JPH3: variants seen among roughly 807,000 people sequenced by gnomAD.
JPH3 encodes junctophilin 3.
Under a neutral mutation model 59.6 loss-of-function variants are expected in JPH3, and 11 were observed. The observed-to-expected ratio is 0.18, with a 90% CI of 0.12 to 0.31. The LOEUF is 0.31. JPH3 is among the 10% of genes least tolerant of loss of function. The probability of loss-of-function intolerance (pLI) is 1.00; values close to 1 mark genes in which losing one functional copy is unlikely to be tolerated. For missense variants in JPH3, 1,202 were observed against 1,105.7 expected (o/e 1.09, Z -1.24); for synonymous variants, 673 against 483.6 (o/e 1.39, Z -5.14).
chr16:87,652,127 AC>A (rs2032343264), intron 2 of JPH3, among the ~76,000 whole-genome samples: 1 of 151,992 alleles, frequency 6.6e-6, no homozygotes, highest in African/African-American at 2.4e-5. Context: ...GGCGCCCACC[AC>A]CGTGCCCAGC....
chr16:87,633,691 C>G (rs1031013707), intron 1 of JPH3, among the ~76,000 whole-genome samples: 2 of 151,750 alleles, frequency 1.3e-5, no homozygotes, highest in Non-Finnish European at 1.5e-5. Flanking sequence ...ACCAGCTACT[C>G]GGGAGTCTGA....
At chr16:87,617,835 C>T (rs535841468) in intron 1 of JPH3, among the ~76,000 whole-genome samples, 5 of 151,592 alleles carry the variant, frequency 3.3e-5, no homozygotes, top group African/African-American at 4.8e-5. Flanking sequence ...GTGGAAGGGG[C>T]GGGGCATCTC....
intron 2 of JPH3, among the ~76,000 whole-genome samples, chr16:87,656,481 G>A (rs942709112): frequency 5.3e-5 from 8 of 152,342 alleles, no homozygotes; most frequent in Non-Finnish European, 8.8e-5. Context: ...CTGCAACGAC[G>A]GGATCAGATT....
intron 1 of JPH3, among the ~76,000 whole-genome samples, chr16:87,638,452 C>T (rs1018537951): frequency 6.6e-5 from 10 of 152,148 alleles, no homozygotes; most frequent in African/African-American, 1.7e-4. Flanking sequence ...GACACAGGAG[C>T]GACCACCATG....
chr16:87,675,276 C>T (rs1388668047), intron 2 of JPH3, among the ~76,000 whole-genome samples: 5 of 151,760 alleles, frequency 3.3e-5, no homozygotes. Flanking sequence ...CCAACTCCTC[C>T]TGCCTCCCAG....
chr16:87,688,264 TGCCCCAA>T (rs1213740345), intron 3 of JPH3, among the ~76,000 whole-genome samples: 10 of 152,056 alleles, frequency 6.6e-5, no homozygotes, highest in Admixed American at 3.9e-4. Context: ...TACCCAGCTG[TGCCCCAA>T]GCCCCAGGCC....
chr16:87,689,507 C>G (rs2033503480), intron 3 of JPH3, 139 bp from the exon 4 acceptor site: 7 of 940,554 alleles, frequency 7.4e-6, no homozygotes, highest in Non-Finnish European at 1.1e-5. Flanking sequence ...ACTCCCCTCC[C>G]TTGCCTGCAG....
chr16:87,659,425 A>G (rs954755213), intron 2 of JPH3, among the ~76,000 whole-genome samples: 3 of 150,780 alleles, frequency 2.0e-5, no homozygotes, highest in African/African-American at 7.3e-5. Flanking sequence ...TACACACAAC[A>G]TAAAATGTAT....
chr16:87,673,115 C>T (rs1316702645), intron 2 of JPH3, among the ~76,000 whole-genome samples: 3 of 151,642 alleles, frequency 2.0e-5, no homozygotes, highest in African/African-American at 7.3e-5. Context: ...CGTTGCACTC[C>T]AGACTGGGCG....
intron 2 of JPH3, among the ~76,000 whole-genome samples, chr16:87,675,287 G>C (rs2033116741): frequency 6.6e-6 from 1 of 151,566 alleles, no homozygotes; most frequent in Non-Finnish European, 1.5e-5. Context: ...TGCCTCCCAG[G>C]CCTCAGCCAC....
chr16:87,690,714 G>A (rs997096483), intron 4 of JPH3, among the ~76,000 whole-genome samples, 188 bp downstream of exon 4: 4 of 152,204 alleles, frequency 2.6e-5, no homozygotes, highest in Admixed American at 1.3e-4. Context: ...GAAGCCAGGT[G>A]GGGCAGGTGT....
At chr16:87,640,631 G>C (rs1345376299) in intron 1 of JPH3, among the ~76,000 whole-genome samples, 4 of 152,104 alleles carry the variant, frequency 2.6e-5, no homozygotes, top group Non-Finnish European at 5.9e-5. Context: ...GACTTCAGGT[G>C]ATCTGCTCGC....
intron 2 of JPH3, among the ~76,000 whole-genome samples, chr16:87,669,759 G>A (rs2032966919): frequency 6.6e-6 from 1 of 152,178 alleles, no homozygotes; most frequent in Non-Finnish European, 1.5e-5. Flanking sequence ...AAAGAGGAAC[G>A]AAGGACAGGA....
intron 1 of JPH3, among the ~76,000 whole-genome samples, chr16:87,638,741 C>G (rs1408355602): frequency 6.6e-6 from 1 of 152,140 alleles, no homozygotes; most frequent in Non-Finnish European, 1.5e-5. Context: ...TCTCTGCTTC[C>G]CCTCCTGTAG....
intron 1 of JPH3, among the ~76,000 whole-genome samples, chr16:87,640,966 G>A (rs570122287): frequency 2.6e-4 from 40 of 152,324 alleles, no homozygotes; most frequent in African/African-American, 8.9e-4. Flanking sequence ...GAGACCCACC[G>A]AGCCTAGTTC....
chr16:87,677,225 C>CA (rs59575544), intron 2 of JPH3, among the ~76,000 whole-genome samples: 8 of 81,726 alleles, frequency 9.8e-5, no homozygotes, highest in East Asian at 3.2e-4. Context: ...CACACACACA[C>CA]AAAAAAAAAA....
At chr16:87,651,453 C>A (rs2032322447) in intron 2 of JPH3, among the ~76,000 whole-genome samples, 1 of 152,182 alleles carries the variant, frequency 6.6e-6, no homozygotes, top group Admixed American at 6.5e-5. Context: ...TGAAAACCTT[C>A]TGGAAAGGAT....
intron 1 of JPH3, among the ~76,000 whole-genome samples, chr16:87,621,084 G>T (rs777095890): frequency 6.6e-6 from 1 of 152,240 alleles, no homozygotes; most frequent in Non-Finnish European, 1.5e-5. Context: ...GCTTGAGCCC[G>T]GGAGGCGGAG....
intron 4 of JPH3, among the ~76,000 whole-genome samples, chr16:87,693,386 T>A (rs997250125): frequency 2.0e-5 from 3 of 152,196 alleles, no homozygotes; most frequent in Non-Finnish European, 4.4e-5. Context: ...CTTTAAAAAG[T>A]TTCTTGGCCA....
Sources: allele counts gnomAD v4.1 joint callset (sites outside exome capture counted in the v4.1 genomes callset), GRCh38; gene constraint gnomAD v4.1.1; transcripts MANE v1.5; gene names NCBI Gene and HGNC (gene_info 2026-07-23, HGNC 2026-07-21).